Variants in SPOCD1 observed in about 807,000 individuals in gnomAD.
The protein encoded by SPOCD1 is SPOC domain containing 1.
Under a neutral mutation model 92.2 loss-of-function variants are expected in SPOCD1, and 64 were observed. The ratio of observed to expected loss-of-function variants is 0.69; its 90% CI spans 0.57 to 0.86. The LOEUF (loss-of-function observed/expected upper bound fraction) is 0.86, where lower values mean the gene tolerates loss of function less well. Ranked by LOEUF, SPOCD1 falls within the 40% of genes least tolerant of loss-of-function variation. SPOCD1 has a pLI of 0.00. For missense variants in SPOCD1, 1,360 were observed against 1,543.1 expected (o/e 0.88, Z 1.99); for synonymous variants, 578 against 619.3 (o/e 0.93, Z 0.99).
chr1:31,803,100 C>T (rs990530393), intron 2 of SPOCD1, among the ~76,000 whole-genome samples: 2 of 151,684 alleles, frequency 1.3e-5, no homozygotes, highest in Non-Finnish European at 2.9e-5. Context: ...GGGGTCCTAA[C>T]GTCCATGTTA....
Position 31,796,715 on chromosome 1 carries a change from C to A in SPOCD1, c.2146G>T (p.Gly716Cys). The A allele has an allele frequency of 1.2e-6, 2 of 1,614,186 alleles. No homozygotes were observed. Among genetic ancestry groups the A allele is most frequent in the Non-Finnish European group, 1.7e-6 (2 of 1,180,034 alleles). The change falls in exon 10 of 16, where the codon GGC (glycine) becomes TGC (cysteine). Residue 716 changes from glycine (G) to cysteine (C), a missense_variant and splice_region_variant. This residue lies in a region of SPOCD1 where 614 missense variants were observed against 757.8 expected (regional missense o/e 0.81). Transcript: ENST00000360482. ...ARWRDQEEKR[G>C]LNIIEQQQKE... ...TGTTGCTGCTCAATGATATTCAGGC[C>A]CTGAAGAGGTGGAGCAGGCCAAGCT...
At chr1:31,803,814 A>G (rs1012438032) in intron 2 of SPOCD1, among the ~76,000 whole-genome samples, 2 of 151,268 alleles carry the variant, frequency 1.3e-5, no homozygotes, top group Non-Finnish European at 3.0e-5. Context: ...AGGAAAGGAA[A>G]GGAGAAGAAG....
intron 2 of SPOCD1, among the ~76,000 whole-genome samples, chr1:31,806,713 T>TTTTG (rs894982882): frequency 5.9e-5 from 9 of 151,944 alleles, no homozygotes; most frequent in African/African-American, 1.2e-4. Context: ...GCCTGGCTAA[T>TTTTG]TTTGTTTGTT....
rs746704608 is a variant in SPOCD1, at chr1:31,800,585, C to T, written c.1458G>A (p.Gly486=). ...CCCCTGCCTGGCCGTGGCTGATGGC[C>T]CCCAGGAGCTGGATCACTGGCCCGG... The part of the protein sequence containing the change: ...LGSGPVIQLL[G]AISHGQAGGQ... Residue 486 remains glycine, a synonymous_variant, in exon 4 of 16, where the codon GGG becomes GGA. Transcript: ENST00000360482. 4.3e-6 allele frequency: 7 copies of T among 1,609,982 alleles called. No individual in the cohort carries two copies. In the South Asian group the frequency reaches 7.7e-5, roughly 18 times the overall value.
At chr1:31,795,872 A>C (rs1279577864) in intron 10 of SPOCD1, 1 of 154,538 alleles carries the variant, frequency 6.5e-6, no homozygotes, top group African/African-American at 2.4e-5. Context: ...CATCTGACCC[A>C]CAGAACATTC....
At chr1:31,810,173 T>C (rs1390688312) in intron 2 of SPOCD1, among the ~76,000 whole-genome samples, 1 of 152,056 alleles carries the variant, frequency 6.6e-6, no homozygotes, top group Non-Finnish European at 1.5e-5. Flanking sequence ...GACTGTAAGA[T>C]CCCTGGACGA....
chr1:31,798,858 G>A lies in SPOCD1; in HGVS notation c.1869-257C>T, dbSNP rs1648222057. 1.8e-6 allele frequency: 1 copy of A among 571,082 alleles called. No homozygotes were observed. Among genetic ancestry groups the A allele is most frequent in the African/African-American group, 1.9e-5 (1 of 52,966 alleles). 35.4% of individuals were successfully genotyped at this position (571,082 alleles called of 1,614,324 possible). ...CACAACTGTGTAATTAGTGGCAAAAGCAAGATTTGAAACTCGACTGTCTGA... is the reference window on the plus strand; with the variant it reads ...CACAACTGTGTAATTAGTGGCAAAAACAAGATTTGAAACTCGACTGTCTGA... On this transcript the variant is annotated intron_variant, in intron 7 of 15. Transcript: ENST00000360482. This position sits in a 1 kb window ranked among gnomAD's most constrained non-coding sequence, Gnocchi z 4.1.
chr1:31,799,396 C>T lies in SPOCD1; in HGVS notation c.1868+5G>A, dbSNP rs1451352466. On this transcript the variant is annotated splice_donor_5th_base_variant and intron_variant, in intron 7 of 15. Transcript: ENST00000360482. ...ATGTCAGGGGAGTGGGGAGCAAGGC[C>T]TCACCGAGTCCATAGTACCTCCTGC... The T allele has an allele frequency of 6.2e-7, 1 of 1,605,720 alleles. No homozygotes were observed. Among genetic ancestry groups the T allele is most frequent in the Non-Finnish European group, 8.5e-7 (1 of 1,176,372 alleles).
intron 2 of SPOCD1, among the ~76,000 whole-genome samples, chr1:31,812,930 G>A (rs1649297722): frequency 6.6e-6 from 1 of 152,220 alleles, no homozygotes; most frequent in African/African-American, 2.4e-5. Flanking sequence ...TAAATGTGAT[G>A]AAAATCCAAC....
At chr1:31,809,045 C>T (rs906366329) in intron 2 of SPOCD1, among the ~76,000 whole-genome samples, 1 of 150,946 alleles carries the variant, frequency 6.6e-6, no homozygotes. Flanking sequence ...ACAAATTACC[C>T]GGGCATGGTG....
At chr1:31,800,166 A>C (rs774110821) in intron 4 of SPOCD1, 25 bp from the exon 5 acceptor site, 1 of 1,569,514 alleles carries the variant, frequency 6.4e-7, no homozygotes, top group South Asian at 1.2e-5. Flanking sequence ...CAGACAAGCT[A>C]TTGGCCGGAA....
intron 11 of SPOCD1, 100 bp from the exon 12 acceptor site, chr1:31,793,997 G>A: frequency 6.6e-7 from 1 of 1,522,388 alleles, no homozygotes; most frequent in South Asian, 1.2e-5. Context: ...TTTTCTAGGT[G>A]ACCTGGGGCA....
chr1:31,800,999 C>T (rs1648431356), intron 3 of SPOCD1, among the ~76,000 whole-genome samples: 2 of 152,336 alleles, frequency 1.3e-5, no homozygotes, highest in South Asian at 2.1e-4. Context: ...TCTGACTCCC[C>T]CTCCTCCTGC....
rs759218025 is a variant in SPOCD1 at position 31,792,219 on chromosome 1, G to GC, written c.2957dup (p.Gly988ArgfsTer55). ...GTATGGGGACTAGGCACTCACCTGG[G>GC]CCCCCCAAAGGGCGCAGCCTGGTGG... On this transcript the variant is annotated frameshift_variant, in exon 15 of 16. Coordinates refer to ENST00000360482, the MANE Select transcript of SPOCD1 (RefSeq NM_144569.7). LOFTEE classifies it low-confidence loss of function (END_TRUNC). 5.6e-6 allele frequency: 9 copies of GC among 1,600,974 alleles called. No homozygotes were observed. The highest frequency in any genetic ancestry group is 7.7e-6 in the Non-Finnish European group (9 of 1,173,896).
At chr1:31,808,528 G>A (rs1648990267) in intron 2 of SPOCD1, among the ~76,000 whole-genome samples, 1 of 151,114 alleles carries the variant, frequency 6.6e-6, no homozygotes, top group South Asian at 2.1e-4. Flanking sequence ...AAACCAGGAA[G>A]AGAAGGGAGT....
chr1:31,796,124 A>G (rs750713461), intron 10 of SPOCD1: 106 of 260,250 alleles, frequency 4.1e-4, no homozygotes, highest in Admixed American at 5.0e-4. Flanking sequence ...AGGTCTGAGG[A>G]CAAGTTCCAG....
chr1:31,794,114 C>A lies in SPOCD1; in HGVS notation c.2383+10G>T, dbSNP rs1647819473. ...TGCCACCCCTGCACCCCTCCCGTGT[C>A]CCCTCCCACCCTTGCAGATGTGGCA... On this transcript the variant is annotated intron_variant, in intron 11 of 15. Transcript: ENST00000360482. 6.2e-7 allele frequency: 1 copy of A among 1,608,764 alleles called. No individual in the cohort carries two copies. Among genetic ancestry groups the A allele is most frequent in the South Asian group, 1.1e-5 (1 of 90,956 alleles).
chr1:31,815,377 G>C lies in SPOCD1; in HGVS notation c.-39-5C>G. The C allele has an allele frequency of 6.7e-7, 1 of 1,499,932 alleles. No homozygotes were observed. The highest frequency in any genetic ancestry group is 8.9e-7 in the Non-Finnish European group (1 of 1,123,148). 92.9% of individuals were successfully genotyped at this position (1,499,932 alleles called of 1,614,324 possible). A position where few individuals can be genotyped will look rare whatever the true frequency, so the allele number is the denominator to read the frequency against. ...GCCAAAAGCACAACACGGGCCCTGT[G>C]TGGAGACAGAAAGAGGAGACTTTGT... On this transcript the variant is annotated splice_polypyrimidine_tract_variant and splice_region_variant and intron_variant, in intron 1 of 15. Transcript: ENST00000360482.
chr1:31,804,985 C>CTTTTTTTTTTTTTTTTTTTTTTTTTT (rs1207433481), intron 2 of SPOCD1, among the ~76,000 whole-genome samples: 2 of 105,916 alleles, frequency 1.9e-5, no homozygotes, highest in South Asian at 3.5e-4. Context: ...TTCTTTCTTT[C>CTTTTTTTTTTTTTTTTTTTTTTTTTT]TTTTTTTTTT....
Sources: gnomAD v4.1 joint callset for allele counts (sites outside exome capture counted in the v4.1 genomes callset) on GRCh38, gnomAD v4.1.1 for gene constraint, gnomAD v4.1.1 regional missense constraint, Gnocchi (gnomAD v3.1) non-coding constraint, MANE v1.5 for transcripts, NCBI Gene and HGNC (gene_info 2026-07-23, HGNC 2026-07-21) for gene names.